AGBL4: variants seen among roughly 807,000 people sequenced by gnomAD.
AGBL4 encodes the protein cytosolic carboxypeptidase 6.
Under a neutral mutation model 66.4 loss-of-function variants are expected in AGBL4, and 58 were observed. The ratio of observed to expected loss-of-function variants is 0.87; its 90% CI spans 0.71 to 1.09. The LOEUF is 1.09. Among genes scored for constraint, AGBL4 ranks in the 50% least tolerant of loss-of-function variants. The pLI is 0.00. For synonymous variants in AGBL4, 234 were observed against 222.9 expected, an observed-to-expected ratio of 1.05 and a Z score of -0.44; for missense variants, 579 against 631.0, an observed-to-expected ratio of 0.92 and a Z score of 0.88.
chr1:49,982,189 A>G (rs1357382830), intron 1 of AGBL4, among the ~76,000 whole-genome samples: 2 of 152,236 alleles, frequency 1.3e-5, no homozygotes, highest in Non-Finnish European at 2.9e-5. Context: ...AAACTTAGTG[A>G]TGGCAACAGT....
intron 2 of AGBL4, among the ~76,000 whole-genome samples, chr1:49,818,311 T>C (rs1471825857): frequency 1.3e-5 from 2 of 152,084 alleles, no homozygotes; most frequent in African/African-American, 4.8e-5. Flanking sequence ...TGTTGTTGAA[T>C]TTCATAATCA....
intron 3 of AGBL4, among the ~76,000 whole-genome samples, chr1:49,521,728 CA>C (rs1431691772): frequency 6.6e-6 from 1 of 152,048 alleles, no homozygotes; most frequent in Non-Finnish European, 1.5e-5. Context: ...CTAAGAATAT[CA>C]TTTTGAACAT....
At chr1:49,707,929 T>A (rs1008445193) in intron 2 of AGBL4, among the ~76,000 whole-genome samples, 1 of 152,198 alleles carries the variant, frequency 6.6e-6, no homozygotes, top group Non-Finnish European at 1.5e-5. Context: ...CCCCTGTTAG[T>A]CTGATGGGCT....
chr1:49,539,216 A>T (rs1251929871), intron 3 of AGBL4, among the ~76,000 whole-genome samples: 1 of 152,186 alleles, frequency 6.6e-6, no homozygotes, highest in East Asian at 1.9e-4. Context: ...ATTCATATCT[A>T]ATTCTGGAAT....
intron 1 of AGBL4, among the ~76,000 whole-genome samples, chr1:49,905,345 T>C (rs116318447): frequency 1.9e-4 from 29 of 152,280 alleles, no homozygotes; most frequent in African/African-American, 6.5e-4. Context: ...GGGATCAAGA[T>C]GAAAAGTCTT....
At chr1:49,755,974 T>C (rs1651856735) in intron 2 of AGBL4, among the ~76,000 whole-genome samples, 2 of 152,192 alleles carry the variant, frequency 1.3e-5, no homozygotes, top group South Asian at 4.1e-4. Flanking sequence ...TCTCCCACAA[T>C]ACATTCAATA....
chr1:49,634,945 T>C (rs1014589110), intron 3 of AGBL4, among the ~76,000 whole-genome samples: 1 of 152,216 alleles, frequency 6.6e-6, no homozygotes, highest in Non-Finnish European at 1.5e-5. Flanking sequence ...GAGAATTTGA[T>C]GGTCTAAAAT....
chr1:48,597,252 C>T (rs534067018), intron 9 of AGBL4, among the ~76,000 whole-genome samples: 12 of 152,320 alleles, frequency 7.9e-5, no homozygotes, highest in Non-Finnish European at 1.8e-4. Context: ...ATCCATTCAT[C>T]TGGCAAATAT....
chr1:49,729,785 G>T (rs937823085), intron 2 of AGBL4, among the ~76,000 whole-genome samples: 3 of 152,126 alleles, frequency 2.0e-5, no homozygotes, highest in Admixed American at 6.5e-5. Context: ...TGTGGTAGTA[G>T]GAATTTTAAA....
At chr1:48,593,737 C>T (rs1027280028) in intron 9 of AGBL4, among the ~76,000 whole-genome samples, 5 of 151,842 alleles carry the variant, frequency 3.3e-5, no homozygotes, top group Non-Finnish European at 5.9e-5. Flanking sequence ...GGCGACAGTG[C>T]GAGACTCCGT....
At chr1:48,937,687 A>G (rs901879709) in intron 5 of AGBL4, among the ~76,000 whole-genome samples, 1 of 152,214 alleles carries the variant, frequency 6.6e-6, no homozygotes, top group African/African-American at 2.4e-5. Context: ...AAATAAAATC[A>G]GGCTTCAGCA....
At chr1:49,889,311 C>T (rs1648393244) in intron 1 of AGBL4, among the ~76,000 whole-genome samples, 1 of 152,096 alleles carries the variant, frequency 6.6e-6, no homozygotes, top group Admixed American at 6.6e-5. Flanking sequence ...CTCACTTCAG[C>T]CAGGAGTGAC....
intron 2 of AGBL4, among the ~76,000 whole-genome samples, chr1:49,729,051 G>T (rs892318628): frequency 2.0e-5 from 3 of 152,148 alleles, no homozygotes; most frequent in Admixed American, 6.5e-5. Context: ...ATGAACCGGG[G>T]AGGGCAGAGA....
At chr1:48,699,918 C>T (rs1646775029) in intron 6 of AGBL4, among the ~76,000 whole-genome samples, 1 of 138,442 alleles carries the variant, frequency 7.2e-6, no homozygotes, top group African/African-American at 2.6e-5. Context: ...TACATACATA[C>T]ATATACATAT....
intron 3 of AGBL4, among the ~76,000 whole-genome samples, chr1:49,516,399 A>G (rs552894303): frequency 1.3e-5 from 2 of 152,188 alleles, no homozygotes; most frequent in East Asian, 3.9e-4. Context: ...TGTTAAAGAA[A>G]TACTTGTAGA....
intron 3 of AGBL4, among the ~76,000 whole-genome samples, chr1:49,259,258 A>G (rs1002352489): frequency 2.0e-5 from 3 of 152,150 alleles, no homozygotes; most frequent in Non-Finnish European, 4.4e-5. Context: ...CTAATGAGCA[A>G]AATCACCAGC....
chr1:48,776,573 G>A (rs1477065068), intron 6 of AGBL4: 1 of 1,361,776 alleles, frequency 7.3e-7, no homozygotes, highest in Non-Finnish European at 9.5e-7. Flanking sequence ...CCCCCGCCCG[G>A]GTCCCACCGT....
intron 4 of AGBL4, among the ~76,000 whole-genome samples, chr1:49,065,136 G>A (rs529106340): frequency 7.9e-5 from 12 of 152,284 alleles, no homozygotes; most frequent in African/African-American, 2.9e-4. Context: ...TGTGGTAGGA[G>A]AGATGTGATG....
At chr1:49,608,268 T>A (rs538770367) in intron 3 of AGBL4, among the ~76,000 whole-genome samples, 28 of 152,258 alleles carry the variant, frequency 1.8e-4, no homozygotes, top group African/African-American at 4.6e-4. Flanking sequence ...AAATATTTTT[T>A]AAAAAAATTC....
Sources: gnomAD v4.1 joint callset for allele counts (sites outside exome capture counted in the v4.1 genomes callset) on GRCh38, gnomAD v4.1.1 for gene constraint, MANE v1.5 for transcripts, NCBI Gene and HGNC (gene_info 2026-07-23, HGNC 2026-07-21) for gene names.